PRKG1: variants seen among roughly 807,000 people sequenced by gnomAD.
PRKG1 encodes the protein protein kinase cGMP-dependent 1.
Under a neutral mutation model 88.1 loss-of-function variants are expected in PRKG1, and 35 were observed. The ratio of observed to expected loss-of-function variants is 0.40; its 90% CI spans 0.30 to 0.53. The LOEUF (loss-of-function observed/expected upper bound fraction) is 0.53. PRKG1 is among the 20% of genes least tolerant of loss of function. The pLI is 0.59. For synonymous variants in PRKG1, 303 were observed against 292.5 expected (o/e 1.04, Z -0.37); for missense variants, 540 against 839.8 (o/e 0.64, Z 4.41).
In PRKG1 at chr10:51,082,296, T is replaced by C. The variant is rs1194821116; in HGVS notation, c.311+7395T>C. Among the ~76,000 whole-genome samples, 3 of 152,116 alleles carry C rather than the reference T, an allele frequency of 2.0e-5. No individual in the cohort carries two copies. The East Asian group carries it at 5.8e-4, about 29-fold the overall frequency. ...CTGCAGGAAAACTTTATGAATAACA[T>C]ATAGGTCATTCTCTGGGGTGTATCT... On this transcript the variant is annotated intron_variant, in intron 1 of 17. Coordinates refer to ENST00000373980, the MANE Select transcript of PRKG1 (RefSeq NM_006258.4).
At chr10:51,539,893 G>C (rs1375472206) in intron 3 of PRKG1, among the ~76,000 whole-genome samples, 1 of 152,112 alleles carries the variant, frequency 6.6e-6, no homozygotes, top group East Asian at 1.9e-4. Context: ...AATTATTTTA[G>C]GCATGTAAAA....
At chr10:51,758,860 C>G (rs1837941672) in intron 3 of PRKG1, among the ~76,000 whole-genome samples, 1 of 148,972 alleles carries the variant, frequency 6.7e-6, no homozygotes, top group African/African-American at 2.5e-5. Context: ...CCCCACCCCC[C>G]GACAGGGCCC....
chr10:51,498,069 GT>G (rs1169550618), intron 3 of PRKG1, among the ~76,000 whole-genome samples: 1 of 152,136 alleles, frequency 6.6e-6, no homozygotes, highest in Non-Finnish European at 1.5e-5. Flanking sequence ...GACGCTAGGA[GT>G]TTCTTGTTCA....
intron 3 of PRKG1, among the ~76,000 whole-genome samples, chr10:51,514,438 A>T (rs1407856212): frequency 1.3e-5 from 2 of 152,216 alleles, no homozygotes; most frequent in South Asian, 4.1e-4. Context: ...AAAGAATAAA[A>T]GTAAGGATGT....
intron 2 of PRKG1, among the ~76,000 whole-genome samples, chr10:51,286,019 G>A (rs999409298): frequency 1.3e-5 from 2 of 152,198 alleles, no homozygotes; most frequent in Non-Finnish European, 1.5e-5. Flanking sequence ...CATCCAGACT[G>A]GAGTGCAGTG....
intron 5 of PRKG1, among the ~76,000 whole-genome samples, chr10:51,933,782 A>G (rs2133010941): frequency 6.6e-6 from 1 of 152,240 alleles, no homozygotes; most frequent in Non-Finnish European, 1.5e-5. Context: ...CTGCTTAATA[A>G]CTTTTAGCTA....
chr10:51,409,898 A>T (rs989328186), intron 2 of PRKG1, among the ~76,000 whole-genome samples: 3 of 149,280 alleles, frequency 2.0e-5, no homozygotes, highest in Non-Finnish European at 3.0e-5. Context: ...AGAAGATGTC[A>T]GGGCCTTGCT....
chr10:52,100,395 T>C (rs1847269582), intron 7 of PRKG1, among the ~76,000 whole-genome samples: 1 of 152,208 alleles, frequency 6.6e-6, no homozygotes, highest in South Asian at 2.1e-4. Flanking sequence ...TGATGAATGA[T>C]GTTAATTTGT....
Position 51,507,641 on chromosome 10 carries a change from T to C in PRKG1, c.592+39805T>C, listed in dbSNP as rs1211767479. Among the ~76,000 whole-genome samples the C allele has an allele frequency of 2.0e-5, 3 of 152,130 alleles. No individual in the cohort carries two copies. The East Asian group carries it at 5.8e-4, about 29-fold the overall frequency. On this transcript the variant is annotated intron_variant, in intron 3 of 17. Coordinates refer to ENST00000373980, the MANE Select transcript of PRKG1 (RefSeq NM_006258.4). ...CTAGGTTTGTTAAGGAGGTAATCCT[T>C]CTGCGGGTCATGAGTGACCTGGTTG...
In PRKG1 at chr10:51,543,277, G is replaced by A. The variant is rs938432001; in HGVS notation, c.592+75441G>A. 3.9e-5 allele frequency among the ~76,000 whole-genome samples: 6 copies of A among 152,170 alleles called. No individual in the cohort carries two copies. In the South Asian group the frequency reaches 1.2e-3, roughly 32 times the overall value. ...AATAAAGAGTTTTAAATTCTTGAAA[G>A]GTAGGACTGATGAGGTAAATTCAAT... On this transcript the variant is annotated intron_variant, in intron 3 of 17. Coordinates refer to ENST00000373980, the MANE Select transcript of PRKG1 (RefSeq NM_006258.4).
Position 51,518,009 on chromosome 10 carries a change from G to GT in PRKG1, c.592+50180dup, listed in dbSNP as rs557111448. 9.7e-4 allele frequency among the ~76,000 whole-genome samples: 147 copies of GT among 152,180 alleles called. 1 individual carries two copies. Among genetic ancestry groups the GT allele is most frequent in the Middle Eastern group, 3.4e-3 (1 of 294 alleles). ...CTACTTAACAGGACCTGGAATCTTT[G>GT]TTTTTTTGAGACAAAGTCTTACTCT... On this transcript the variant is annotated intron_variant, in intron 3 of 17. Transcript: ENST00000373980.
At chr10:51,434,662 T>C (rs1276426115) in intron 2 of PRKG1, among the ~76,000 whole-genome samples, 2 of 152,112 alleles carry the variant, frequency 1.3e-5, no homozygotes, top group Non-Finnish European at 2.9e-5. Flanking sequence ...GATCAGTGCA[T>C]ACGGTATTTT....
chr10:51,331,616 C>A (rs1841743911), intron 2 of PRKG1, among the ~76,000 whole-genome samples: 1 of 152,164 alleles, frequency 6.6e-6, no homozygotes, highest in Non-Finnish European at 1.5e-5. Flanking sequence ...TTTCTATCAT[C>A]ATCAATGTGT....
chr10:51,034,558 C>CA (rs1225138827), intron 1 of PRKG1, among the ~76,000 whole-genome samples: 3 of 150,464 alleles, frequency 2.0e-5, no homozygotes, highest in Non-Finnish European at 4.4e-5. Context: ...TATCCCAACT[C>CA]AAAAAATATT....
intron 9 of PRKG1, among the ~76,000 whole-genome samples, chr10:52,198,690 G>A (rs1386056251): frequency 3.3e-5 from 5 of 152,056 alleles, no homozygotes; most frequent in Non-Finnish European, 7.4e-5. Context: ...CACTTCTTCT[G>A]TAGGTTCTGG....
chr10:51,612,960 G>A (rs1349134379), intron 3 of PRKG1, among the ~76,000 whole-genome samples: 1 of 151,904 alleles, frequency 6.6e-6, no homozygotes, highest in African/African-American at 2.4e-5. Context: ...TGCGTACCTG[G>A]TATAATCCCA....
chr10:51,408,448 T>C (rs965977876), intron 2 of PRKG1, among the ~76,000 whole-genome samples: 1 of 152,118 alleles, frequency 6.6e-6, no homozygotes, highest in Non-Finnish European at 1.5e-5. Context: ...AGTCCATGGA[T>C]GGTAGTCTTG....
At chr10:52,254,328 G>A (rs1841257858) in intron 10 of PRKG1, among the ~76,000 whole-genome samples, 1 of 151,906 alleles carries the variant, frequency 6.6e-6, no homozygotes, top group African/African-American at 2.4e-5. Context: ...CAATATCTAA[G>A]CAATAAATCT....
At chr10:51,117,535 G>A (rs1047776967) in intron 1 of PRKG1, among the ~76,000 whole-genome samples, 6 of 152,164 alleles carry the variant, frequency 3.9e-5, no homozygotes, top group East Asian at 1.9e-4. Flanking sequence ...TGCTTACCAC[G>A]GTTTGTTGAA....
Sources: gnomAD v4.1 joint callset for allele counts (sites outside exome capture counted in the v4.1 genomes callset) on GRCh38, gnomAD v4.1.1 for gene constraint, MANE v1.5 for transcripts, NCBI Gene and HGNC (gene_info 2026-07-23, HGNC 2026-07-21) for gene names.